Variants in ATRN observed in about 807,000 individuals in gnomAD.
The protein encoded by ATRN is attractin-2.
A neutral mutation model predicts 178.7 loss-of-function variants in ATRN; 54 were observed. The observed-to-expected ratio is 0.30, with a 90% CI of 0.24 to 0.38. The LOEUF (loss-of-function observed/expected upper bound fraction) is 0.38, where lower values mean the gene tolerates loss of function less well. Ranked by LOEUF, ATRN falls within the 10% of genes least tolerant of loss-of-function variation. ATRN has a pLI of 1.00. For synonymous variants in ATRN, 636 were observed against 663.0 expected, an observed-to-expected ratio of 0.96 and a Z score of 0.63; for missense variants, 1,443 against 1,815.1, an observed-to-expected ratio of 0.79 and a Z score of 3.73.
rs771906644 is a variant in ATRN, at chr20:3,632,173, A to G, written c.3864-2138A>G. The stretch of plus-strand genomic sequence containing the variant: ...CTGCATGTCTAAAATGGATCTACTG[A>G]TATGTCCAGATTCCAAAGTGCTTTT... On this transcript the variant is annotated intron_variant, in intron 25 of 28. Coordinates refer to ENST00000262919, the MANE Select transcript of ATRN (RefSeq NM_139321.3). This position sits in a 1 kb window ranked among gnomAD's most constrained non-coding sequence, Gnocchi z 4.2. Among the ~76,000 whole-genome samples the G allele has an allele frequency of 5.3e-5, 8 of 152,062 alleles. No individual in the cohort carries two copies. The highest frequency in any genetic ancestry group is 1.2e-4 in the Non-Finnish European group (8 of 68,016).
At chr20:3,501,364 T>C (rs1430731064) in intron 1 of ATRN, among the ~76,000 whole-genome samples, 1 of 152,194 alleles carries the variant, frequency 6.6e-6, no homozygotes. Flanking sequence ...TAGGTAGCAT[T>C]GAGCACTTCT....
chr20:3,529,709 G>GT (rs563401965), intron 1 of ATRN, among the ~76,000 whole-genome samples: 74 of 152,244 alleles, frequency 4.9e-4, no homozygotes, highest in Admixed American at 1.9e-3. Flanking sequence ...TTTATATCCT[G>GT]TTTGAGGAGA....
At chr20:3,608,822 C>G (rs2086716476) in intron 24 of ATRN, among the ~76,000 whole-genome samples, 1 of 151,996 alleles carries the variant, frequency 6.6e-6, no homozygotes, top group African/African-American at 2.4e-5. Flanking sequence ...CAAAAATTAG[C>G]CATGTGCAGT....
At chr20:3,523,777 A>G in intron 1 of ATRN, among the ~76,000 whole-genome samples, 1 of 152,218 alleles carries the variant, frequency 6.6e-6, no homozygotes, top group Non-Finnish European at 1.5e-5. Context: ...ATTCTTAAAG[A>G]AAAGAATTTT....
At chr20:3,585,036 C>A (rs1568746386) in intron 18 of ATRN, among the ~76,000 whole-genome samples, 156 bp downstream of exon 18, 1 of 152,198 alleles carries the variant, frequency 6.6e-6, no homozygotes, top group Non-Finnish European at 1.5e-5. Context: ...AGAAGCTGGT[C>A]CAAGGCCTGA....
At position 3,547,362 on chromosome 20, in the gene ATRN, A is replaced by G; in HGVS notation, c.816A>G (p.Glu272=). The change falls in exon 5 of 29, where the codon GAA becomes GAG. Residue 272 remains glutamate, a synonymous_variant. Transcript: ENST00000262919. ...ISNSSDTVEC[E]CSENWKGEAC... is the part of the protein sequence containing the mutation. Reference sequence around the variant, plus strand: ...ATAGCAGCGATACTGTTGAATGTGAATGTTCTGAAAACTGGAAAGGTGAAG... The same window carrying G: ...ATAGCAGCGATACTGTTGAATGTGAGTGTTCTGAAAACTGGAAAGGTGAAG... 1 of 1,614,108 alleles carries G rather than the reference A, an allele frequency of 6.2e-7. No individual in the cohort carries two copies. The highest frequency in any genetic ancestry group is 8.5e-7 in the Non-Finnish European group (1 of 1,179,948).
intron 6 of ATRN, among the ~76,000 whole-genome samples, chr20:3,558,704 A>G (rs1309888683): frequency 6.6e-6 from 1 of 151,952 alleles, no homozygotes; most frequent in African/African-American, 2.4e-5. Context: ...TATTCTTTGT[A>G]TTGGTTACAT....
At position 3,535,328 on chromosome 20, in the gene ATRN, T is replaced by C. The variant is rs1219137067; in HGVS notation, c.486T>C (p.Ile162=). The change falls in exon 2 of 29, where the codon ATT becomes ATC. Residue 162 remains isoleucine (I), a synonymous_variant. Coordinates refer to ENST00000262919, the MANE Select transcript of ATRN (RefSeq NM_139321.3). ...YKYKTKCTWL[I]EGQPNRIMRL... Reference sequence around the variant, plus strand: ...ACAAAACGAAGTGCACGTGGCTCATTGAAGGACAGTAAGTAGAAATGGCTG... The same window carrying C: ...ACAAAACGAAGTGCACGTGGCTCATCGAAGGACAGTAAGTAGAAATGGCTG... 3 of 1,535,028 alleles carry C rather than the reference T, an allele frequency of 2.0e-6. No homozygotes were observed. Among genetic ancestry groups the C allele is most frequent in the Middle Eastern group, 1.7e-4 (1 of 5,806 alleles).
Position 3,547,511 on chromosome 20 carries a change from A to C in ATRN, c.943+22A>C, listed in dbSNP as rs752025078. On this transcript the variant is annotated intron_variant, in intron 5 of 28. Transcript: ENST00000262919. ...CAGGGTAGGAGCTTCTTTCATTTTT[A>C]TTTTTTCTTCCATTTATAGAACATT... The C allele has an allele frequency of 7.7e-6, 12 of 1,567,342 alleles. No individual in the cohort carries two copies. The African/African-American group carries it at 1.6e-4, about 21-fold the overall frequency.
intron 6 of ATRN, among the ~76,000 whole-genome samples, chr20:3,556,788 TG>T (rs1176920820): frequency 6.6e-6 from 1 of 152,190 alleles, no homozygotes; most frequent in African/African-American, 2.4e-5. Flanking sequence ...TCTTGTCTTA[TG>T]TTTTTTTTTC....
chr20:3,637,086 G>T (rs972298593), intron 26 of ATRN, among the ~76,000 whole-genome samples: 19 of 152,158 alleles, frequency 1.2e-4, no homozygotes, highest in African/African-American at 4.6e-4. Context: ...ACAGGAAAAA[G>T]ATTAAAATAT....
chr20:3,511,401 C>G (rs2085125489), intron 1 of ATRN, among the ~76,000 whole-genome samples: 1 of 151,116 alleles, frequency 6.6e-6, no homozygotes, highest in Non-Finnish European at 1.5e-5. Flanking sequence ...TAGATCTTAA[C>G]AGACACTGAC....
intron 1 of ATRN, among the ~76,000 whole-genome samples, chr20:3,516,084 G>A (rs1371092931): frequency 6.6e-6 from 1 of 152,180 alleles, no homozygotes; most frequent in Admixed American, 6.5e-5. Context: ...CATTGCACTG[G>A]AAGAAAGTAG....
chr20:3,535,477 A>G (rs1021672728), intron 2 of ATRN, 141 bp downstream of exon 2: 2 of 348,212 alleles, frequency 5.7e-6, no homozygotes, highest in East Asian at 5.0e-5. Context: ...TGACAAGTGA[A>G]TTTTATCTTA....
At chr20:3,510,480 GTC>G (rs1255290075) in intron 1 of ATRN, among the ~76,000 whole-genome samples, 1 of 152,132 alleles carries the variant, frequency 6.6e-6, no homozygotes, top group East Asian at 1.9e-4. Context: ...TAGTTTGCCG[GTC>G]CCTGATTTAG....
At chr20:3,506,816 G>A (rs2085051126) in intron 1 of ATRN, among the ~76,000 whole-genome samples, 1 of 151,756 alleles carries the variant, frequency 6.6e-6, no homozygotes, top group South Asian at 2.1e-4. Context: ...TAAAATAAAT[G>A]ATTAGTATCT....
intron 20 of ATRN, 60 bp downstream of exon 20, chr20:3,594,632 C>A: frequency 7.0e-7 from 1 of 1,427,598 alleles, no homozygotes; most frequent in Non-Finnish European, 9.6e-7. Context: ...GCTGCCTGAA[C>A]CCCACCCTGA....
rs2086995272 is a variant in ATRN, at chr20:3,632,305, TA to T, written c.3864-2003del. On this transcript the variant is annotated intron_variant, in intron 25 of 28. Coordinates refer to ENST00000262919, the MANE Select transcript of ATRN (RefSeq NM_139321.3). The surrounding 1 kb of genome is among the most constrained non-coding windows in gnomAD (Gnocchi z 4.2). ...CTCTAATGGTTTTCTCAGCAAACGT[TA>T]AATCACAACACTCTGTTTAAAAACC... 6.6e-6 allele frequency among the ~76,000 whole-genome samples: 1 copy of T among 152,170 alleles called. No homozygotes were observed. The highest frequency in any genetic ancestry group is 2.4e-5 in the African/African-American group (1 of 41,430).
intron 19 of ATRN, 76 bp downstream of exon 19, chr20:3,591,382 G>A: frequency 6.7e-7 from 1 of 1,503,250 alleles, no homozygotes; most frequent in South Asian, 1.3e-5. Context: ...TGAATATCTA[G>A]GAGGAAAAAA....
Sources: gnomAD v4.1 joint callset for allele counts (sites outside exome capture counted in the v4.1 genomes callset) on GRCh38, gnomAD v4.1.1 for gene constraint, Gnocchi (gnomAD v3.1) non-coding constraint, MANE v1.5 for transcripts, NCBI Gene and HGNC (gene_info 2026-07-23, HGNC 2026-07-21) for gene names.